The following LYRM9 variants were observed in gnomAD, a reference collection of about 807,000 sequenced individuals.
LYRM9 encodes LYR motif-containing protein 9.
Under a neutral mutation model 12.6 loss-of-function variants are expected in LYRM9, and 14 were observed. The ratio of observed to expected loss-of-function variants is 1.11; its 90% CI spans 0.73 to 1.73. LYRM9 has a LOEUF of 1.73. LYRM9 is among the 40% of genes most tolerant of loss of function. The probability of loss-of-function intolerance (pLI) is 0.00; values close to 1 mark genes in which losing one functional copy is unlikely to be tolerated. For missense variants in LYRM9, 94 were observed against 95.0 expected (o/e 0.99, Z 0.04); for synonymous variants, 42 against 35.1 (o/e 1.20, Z -0.69).
chr17:27,892,192 G>C (rs1015100621), intron 1 of LYRM9: 4 of 222,228 alleles, frequency 1.8e-5, no homozygotes, highest in Non-Finnish European at 2.7e-5. Context: ...AGCCTCCTAC[G>C]GTGCTGAGAT....
chr17:27,882,535 G>T, intron 2 of LYRM9, 34 bp downstream of exon 2: 1 of 1,532,868 alleles, frequency 6.5e-7, no homozygotes. Flanking sequence ...TGCCATTAGA[G>T]GCAGCCCCCA....
chr17:27,885,834 T>C (rs1019709761), intron 1 of LYRM9, among the ~76,000 whole-genome samples: 7 of 152,116 alleles, frequency 4.6e-5, no homozygotes, highest in African/African-American at 1.7e-4. Context: ...CTGGGGTTTG[T>C]TTTGTCACTT....
At chr17:27,882,733 C>T in intron 1 of LYRM9, 21 bp from the exon 2 acceptor site, 1 of 1,558,086 alleles carries the variant, frequency 6.4e-7, no homozygotes, top group Non-Finnish European at 8.7e-7. Context: ...AGCAGGATCA[C>T]TTCCAGGGCA....
At position 27,879,509 on chromosome 17, in the gene LYRM9, C is replaced by T. The variant is rs192230740; in HGVS notation, c.220-19G>A. The T allele has an allele frequency of 7.7e-5, 119 of 1,551,748 alleles. No individual in the cohort carries two copies. Among genetic ancestry groups the T allele is most frequent in the Non-Finnish European group, 9.9e-5 (113 of 1,147,078 alleles). Reference sequence around the variant, plus strand: ...TTTTATACTGCAAGACAGAGAGATTCGAAGTGGAGGAGGGAAGCCAACAGG... The same window carrying T: ...TTTTATACTGCAAGACAGAGAGATTTGAAGTGGAGGAGGGAAGCCAACAGG... On this transcript the variant is annotated intron_variant, in intron 3 of 3. Transcript: ENST00000379102.
At chr17:27,890,790 A>G (rs1393869218) in intron 1 of LYRM9, among the ~76,000 whole-genome samples, 1 of 152,232 alleles carries the variant, frequency 6.6e-6, no homozygotes, top group Non-Finnish European at 1.5e-5. Context: ...CATTTTTTAA[A>G]TATGCAATTA....
At chr17:27,883,437 G>A in intron 1 of LYRM9, 1 of 158,386 alleles carries the variant, frequency 6.3e-6, no homozygotes, top group South Asian at 1.8e-4. Flanking sequence ...ATCACTTAAG[G>A]TCAGGAGTTT....
intron 1 of LYRM9, chr17:27,892,212 G>A (rs1269570981): frequency 1.1e-5 from 3 of 285,628 alleles, no homozygotes; most frequent in Non-Finnish European, 1.4e-5. Flanking sequence ...TTATGGGCAT[G>A]AGCCACTGCG....
chr17:27,891,056 A>G (rs1413021297), intron 1 of LYRM9, among the ~76,000 whole-genome samples: 1 of 150,496 alleles, frequency 6.6e-6, no homozygotes, highest in East Asian at 2.0e-4. Flanking sequence ...CTATCCGAAT[A>G]CCTCCTGATC....
intron 1 of LYRM9, chr17:27,892,742 AAC>A (rs1905500215): frequency 4.1e-6 from 1 of 246,558 alleles, no homozygotes; most frequent in Non-Finnish European, 8.2e-6. Flanking sequence ...CAACTCTGCA[AAC>A]ACACTAAAAG....
intron 1 of LYRM9, among the ~76,000 whole-genome samples, chr17:27,890,918 A>C: frequency 6.7e-6 from 1 of 150,236 alleles, no homozygotes; most frequent in Non-Finnish European, 1.5e-5. Context: ...ATGGGGCAGC[A>C]ATCCCTGCCT....
At chr17:27,881,907 A>C (rs2142582168) in intron 2 of LYRM9, among the ~76,000 whole-genome samples, 1 of 152,214 alleles carries the variant, frequency 6.6e-6, no homozygotes, top group African/African-American at 2.4e-5. Context: ...TCCGGGCTCA[A>C]GCAATCCTCC....
chr17:27,890,115 T>C lies in LYRM9; in HGVS notation c.-19+3202A>G, dbSNP rs1905380577. Among the ~76,000 whole-genome samples, 2 of 152,220 alleles carry C rather than the reference T, an allele frequency of 1.3e-5. 1 individual carries two copies. Among genetic ancestry groups the C allele is most frequent in the Admixed American group, 1.3e-4 (2 of 15,288 alleles). ...GGCTAGTATAGAGCAAGGCCCGGAA[T>C]AGAACCTAGGTCTATTTGATTCCAA... On this transcript the variant is annotated intron_variant, in intron 1 of 3. Coordinates refer to ENST00000379102, the MANE Select transcript of LYRM9 (RefSeq NM_001076680.3).
chr17:27,879,257 A>C lies in LYRM9; in HGVS notation c.*216T>G. 1 of 438,854 alleles carries C rather than the reference A, an allele frequency of 2.3e-6. No homozygotes were observed. The allele number at this position is 438,854 out of a possible 1,614,324, so 27.2% of individuals were successfully genotyped here. On this transcript the variant is annotated 3_prime_UTR_variant, in exon 4 of 4. Transcript: ENST00000379102. ...AGCAAAAAAATACTACATTCTCCCC[A>C]AATTTCACATCGTAAGTGGCTGGAA...
At position 27,880,269 on chromosome 17, in the gene LYRM9, C is replaced by T. The variant is rs1905003116; in HGVS notation, c.219+5G>A. On this transcript the variant is annotated splice_donor_5th_base_variant and intron_variant, in intron 3 of 3. Coordinates refer to ENST00000379102, the MANE Select transcript of LYRM9 (RefSeq NM_001076680.3). ...GCAGGCAGAGCCCAGGGGCCAAGCA[C>T]CTACTTTGTTCATGATCCAGTCAGC... is the stretch of plus-strand genomic sequence containing the variant. 1 of 1,603,664 alleles carries T rather than the reference C, an allele frequency of 6.2e-7. No homozygotes were observed. The highest frequency in any genetic ancestry group is 8.5e-7 in the Non-Finnish European group (1 of 1,174,466).
At chr17:27,890,846 G>A (rs1177243507) in intron 1 of LYRM9, among the ~76,000 whole-genome samples, 1 of 152,076 alleles carries the variant, frequency 6.6e-6, no homozygotes, top group East Asian at 1.9e-4. Flanking sequence ...GAGTGGTTTT[G>A]CTTCCCACCC....
rs557941583 is a variant in LYRM9 at position 27,886,084 on chromosome 17, T to C, written c.-18-3372A>G. Among the ~76,000 whole-genome samples the C allele has an allele frequency of 6.6e-6, 1 of 152,236 alleles. No homozygotes were observed. Among genetic ancestry groups the C allele is most frequent in the East Asian group, 1.9e-4 (1 of 5,178 alleles). ...CATACCACCAAAGTCCCAAACCTGA[T>C]GGGTAGACTCCACTGGCAGGCTTCC... On this transcript the variant is annotated intron_variant, in intron 1 of 3. Coordinates refer to ENST00000379102, the MANE Select transcript of LYRM9 (RefSeq NM_001076680.3). This position sits in a 1 kb window ranked among gnomAD's most constrained non-coding sequence, Gnocchi z 4.8.
Position 27,882,671 on chromosome 17 carries a change from T to C in LYRM9, c.24A>G (p.Glu8=), listed in dbSNP as rs565322834. 50 of 1,605,186 alleles carry C rather than the reference T, an allele frequency of 3.1e-5. No homozygotes were observed. In the African/African-American group the frequency reaches 6.0e-4, roughly 19 times the overall value. The change falls in exon 2 of 4, where the codon GAA becomes GAG. Residue 8 remains glutamate, a synonymous_variant. Transcript: ENST00000379102. MAPLPGA[E]LVRRPLQLYR... ...AGAGCTGCAGTGGCCTCCGAACCAG[T>C]TCTGCTCCTGGCAGCGGGGCCATCC...
chr17:27,887,716 GTGT>G (rs369730039), intron 1 of LYRM9, among the ~76,000 whole-genome samples: 23,652 of 115,620 alleles, frequency 0.2, 2,153 homozygotes, highest in Middle Eastern at 0.27. Context: ...GAGGGAGGGT[GTGT>G]GTGTGTGTGT....
intron 1 of LYRM9, among the ~76,000 whole-genome samples, chr17:27,884,388 G>A (rs1440730523): frequency 2.6e-5 from 4 of 152,168 alleles, no homozygotes; most frequent in Non-Finnish European, 5.9e-5. Context: ...TCAGTGTCCT[G>A]GGTGCATCCC....
Sources: allele counts gnomAD v4.1 joint callset (sites outside exome capture counted in the v4.1 genomes callset), GRCh38; gene constraint gnomAD v4.1.1; non-coding constraint Gnocchi (gnomAD v3.1); transcripts MANE v1.5; gene names NCBI Gene and HGNC (gene_info 2026-07-23, HGNC 2026-07-21).